Variants in SLIT3 observed in about 807,000 individuals in gnomAD.
SLIT3 encodes slit guidance ligand 3, also known as slit homolog 3 protein.
SLIT3 carries 68 observed loss-of-function variants against 184.0 expected under a neutral mutation model. The observed-to-expected ratio is 0.37, with a 90% CI of 0.30 to 0.45. The LOEUF is 0.45. Ranked by LOEUF, SLIT3 falls within the 20% of genes least tolerant of loss-of-function variation. The pLI is 1.00. For synonymous variants in SLIT3, 831 were observed against 828.6 expected (o/e 1.00, Z -0.05); for missense variants, 1,707 against 2,026.0 (o/e 0.84, Z 3.02).
chr5:168,806,005 CG>C (rs1561942777), intron 9 of SLIT3, among the ~76,000 whole-genome samples: 3 of 152,144 alleles, frequency 2.0e-5, no homozygotes, highest in Non-Finnish European at 4.4e-5. Flanking sequence ...AGCTAGTAAA[CG>C]GTATGGCCAG....
chr5:169,250,254 T>G (rs1437224174), intron 2 of SLIT3, among the ~76,000 whole-genome samples: 1 of 152,210 alleles, frequency 6.6e-6, no homozygotes, highest in African/African-American at 2.4e-5. Flanking sequence ...CATGAAAGTA[T>G]CATATCCATC....
At chr5:168,981,885 C>T (rs1166418031) in intron 4 of SLIT3, among the ~76,000 whole-genome samples, 1 of 152,166 alleles carries the variant, frequency 6.6e-6, no homozygotes, top group African/African-American at 2.4e-5. Flanking sequence ...GTCCCATTAA[C>T]TCTTAGGTGA....
chr5:168,867,805 C>T (rs925397274), intron 5 of SLIT3, among the ~76,000 whole-genome samples: 2 of 151,732 alleles, frequency 1.3e-5, no homozygotes, highest in Non-Finnish European at 2.9e-5. Flanking sequence ...ATTATGGCAT[C>T]AAGACTTGCT....
intron 4 of SLIT3, among the ~76,000 whole-genome samples, chr5:169,041,493 CAG>C (rs1419987613): frequency 8.5e-5 from 13 of 152,144 alleles, no homozygotes; most frequent in African/African-American, 2.7e-4. Context: ...AGAAGGCATT[CAG>C]AGTTTTTCCT....
intron 2 of SLIT3, among the ~76,000 whole-genome samples, chr5:169,249,353 T>C (rs1395629853): frequency 6.6e-6 from 1 of 152,182 alleles, no homozygotes; most frequent in Non-Finnish European, 1.5e-5. Flanking sequence ...AAGAGGAATG[T>C]ACCAATTAAC....
intron 4 of SLIT3, among the ~76,000 whole-genome samples, chr5:169,143,749 G>A (rs540272017): frequency 6.6e-4 from 101 of 152,228 alleles, no homozygotes; most frequent in African/African-American, 2.4e-3. Context: ...GCAGTGAGCC[G>A]AGATCGTGCC....
chr5:168,919,104 C>T (rs554103454), intron 4 of SLIT3, among the ~76,000 whole-genome samples: 1 of 151,908 alleles, frequency 6.6e-6, no homozygotes, highest in South Asian at 2.1e-4. Flanking sequence ...ACTAAAAGTA[C>T]AAAAAACTAG....
intron 4 of SLIT3, among the ~76,000 whole-genome samples, chr5:169,078,178 C>T (rs1758820729): frequency 6.6e-6 from 1 of 152,176 alleles, no homozygotes; most frequent in Non-Finnish European, 1.5e-5. Context: ...CATCAGGTTA[C>T]AAATACAGGG....
intron 12 of SLIT3, among the ~76,000 whole-genome samples, chr5:168,779,578 C>G (rs1755895434): frequency 6.6e-6 from 1 of 152,224 alleles, no homozygotes; most frequent in Non-Finnish European, 1.5e-5. Flanking sequence ...AGCCCATTGA[C>G]TACCCAGCAT....
chr5:169,300,495 T>G lies in SLIT3; in HGVS notation c.197+18A>C, dbSNP rs1286512611. The G allele has an allele frequency of 2.1e-6, 3 of 1,458,668 alleles. No homozygotes were observed. Among genetic ancestry groups the G allele is most frequent in the Admixed American group, 2.4e-5 (1 of 41,230 alleles). The allele number at this position is 1,458,668 out of a possible 1,614,324, so 90.4% of individuals were successfully genotyped here. ...ACCCAGGTGGGTGGCCCGCGTGGGG[T>G]GGGGCAGGGGTACTCACAGGCGCTC... On this transcript the variant is annotated intron_variant, in intron 1 of 35. Coordinates refer to ENST00000519560, the MANE Select transcript of SLIT3 (RefSeq NM_003062.4). This position sits in a 1 kb window ranked among gnomAD's most constrained non-coding sequence, Gnocchi z 4.1.
At chr5:168,739,963 G>C in intron 20 of SLIT3, among the ~76,000 whole-genome samples, 1 of 152,194 alleles carries the variant, frequency 6.6e-6, no homozygotes, top group South Asian at 2.1e-4. Flanking sequence ...ATATAAACAT[G>C]TCATGGGTAT....
chr5:168,848,559 A>G (rs1339729143), intron 5 of SLIT3, among the ~76,000 whole-genome samples: 1 of 152,182 alleles, frequency 6.6e-6, no homozygotes, highest in Non-Finnish European at 1.5e-5. Context: ...AAGCCCCAAA[A>G]TGTTTCATGA....
chr5:169,009,906 T>C (rs1399122334), intron 4 of SLIT3, among the ~76,000 whole-genome samples: 6 of 152,244 alleles, frequency 3.9e-5, no homozygotes, highest in African/African-American at 1.4e-4. Context: ...CTATTTTCTG[T>C]TCTTGTTCCT....
chr5:168,855,075 G>C (rs945242114), intron 5 of SLIT3, among the ~76,000 whole-genome samples: 3 of 152,168 alleles, frequency 2.0e-5, no homozygotes, highest in Admixed American at 2.0e-4. Context: ...ACAGGAGAGC[G>C]GGTACAGTCT....
chr5:168,872,057 T>G (rs1056712080), intron 5 of SLIT3, among the ~76,000 whole-genome samples: 1 of 152,168 alleles, frequency 6.6e-6, no homozygotes, highest in African/African-American at 2.4e-5. Flanking sequence ...GGAAGCTGAG[T>G]CAGGGCTTGG....
At chr5:168,848,104 A>C (rs1158148211) in intron 5 of SLIT3, among the ~76,000 whole-genome samples, 2 of 152,260 alleles carry the variant, frequency 1.3e-5, no homozygotes. Context: ...CTTATCATGC[A>C]ACATAACTTA....
At chr5:168,906,270 G>C (rs1761050439) in intron 4 of SLIT3, among the ~76,000 whole-genome samples, 1 of 152,148 alleles carries the variant, frequency 6.6e-6, no homozygotes, top group African/African-American at 2.4e-5. Flanking sequence ...GGTTTGGTGC[G>C]ACCCTTCCTT....
At chr5:168,731,339 A>T (rs1191043561) in intron 20 of SLIT3, among the ~76,000 whole-genome samples, 1 of 151,964 alleles carries the variant, frequency 6.6e-6, no homozygotes, top group East Asian at 1.9e-4. Flanking sequence ...AGGACCATAA[A>T]TCCAAAGATG....
intron 4 of SLIT3, among the ~76,000 whole-genome samples, chr5:169,189,707 C>T (rs1390070351): frequency 6.6e-6 from 1 of 151,604 alleles, no homozygotes; most frequent in East Asian, 1.9e-4. Context: ...AAATGTGAAC[C>T]AAATGTGAAT....
Sources: gnomAD v4.1 joint callset for allele counts (sites outside exome capture counted in the v4.1 genomes callset) on GRCh38, gnomAD v4.1.1 for gene constraint, Gnocchi (gnomAD v3.1) non-coding constraint, MANE v1.5 for transcripts, NCBI Gene and HGNC (gene_info 2026-07-23, HGNC 2026-07-21) for gene names.